ARID1B: variants seen among roughly 807,000 people sequenced by gnomAD.
ARID1B encodes the protein AT-rich interaction domain 1B.
Under a neutral mutation model 212.3 loss-of-function variants are expected in ARID1B, and 30 were observed. The observed-to-expected ratio is 0.14, with a 90% CI of 0.11 to 0.19. The LOEUF is 0.19. ARID1B is among the 10% of genes least tolerant of loss of function. ARID1B has a pLI of 1.00. For synonymous variants in ARID1B, 1,402 were observed against 1,301.7 expected (o/e 1.08, Z -1.66); for missense variants, 2,891 against 3,204.0 (o/e 0.90, Z 2.36).
chr6:156,917,948 C>T (rs1057394587), intron 3 of ARID1B, among the ~76,000 whole-genome samples: 8 of 151,776 alleles, frequency 5.3e-5, no homozygotes, highest in Non-Finnish European at 7.4e-5. Context: ...AAAGAGATGC[C>T]GTGAACTGGA....
chr6:156,966,386 C>CT (rs1214987532), intron 4 of ARID1B, among the ~76,000 whole-genome samples: 3,911 of 38,746 alleles, frequency 0.1, 128 homozygotes, highest in Admixed American at 0.25. Context: ...CTTTTCTTTT[C>CT]TTTTTTTTTT....
At position 156,965,486 on chromosome 6, in the gene ARID1B, T is replaced by C. The variant is rs562494068; in HGVS notation, c.2247+29910T>C. Among the ~76,000 whole-genome samples the C allele has an allele frequency of 2.6e-5, 4 of 152,346 alleles. No homozygotes were observed. In the South Asian group the frequency reaches 8.3e-4, roughly 32 times the overall value. The stretch of plus-strand genomic sequence containing the variant: ...TATTCGATGACTGCTCTGCCTAGTT[T>C]AGTAGGCGTTAACTGAATAAACTAA... On this transcript the variant is annotated intron_variant, in intron 4 of 19. Coordinates refer to ENST00000636930, the MANE Select transcript of ARID1B (RefSeq NM_001374828.1).
At chr6:157,120,448 C>T (rs536971542) in intron 6 of ARID1B, among the ~76,000 whole-genome samples, 36 of 152,256 alleles carry the variant, frequency 2.4e-4, no homozygotes, top group African/African-American at 7.2e-4. Context: ...GCTGGTGTGG[C>T]GCGGGGGGCC....
At chr6:157,011,909 G>A (rs1275533222) in intron 4 of ARID1B, among the ~76,000 whole-genome samples, 2 of 151,976 alleles carry the variant, frequency 1.3e-5, no homozygotes, top group African/African-American at 2.4e-5. Context: ...TGCCTAGACC[G>A]AAGCTATAGA....
chr6:156,945,036 C>CCTCAGCCT (rs1440529955), intron 4 of ARID1B, among the ~76,000 whole-genome samples: 3 of 150,470 alleles, frequency 2.0e-5, no homozygotes, highest in South Asian at 4.2e-4. Context: ...CATTCTCCTG[C>CCTCAGCCT]CTCAGCCTCC....
Position 157,004,890 on chromosome 6 carries a change from C to CTTTTTTGTTTTTTTTTTTTTTTTTTTT in ARID1B, c.2247+69320_2247+69321insGTTTTTTTTTTTTTTTTTTTTTTTTTT, listed in dbSNP as rs1779118895. Among the ~76,000 whole-genome samples, 29 of 35,680 alleles carry CTTTTTTGTTTTTTTTTTTTTTTTTTTT rather than the reference C, an allele frequency of 8.1e-4. 4 individuals carry two copies. Among genetic ancestry groups the CTTTTTTGTTTTTTTTTTTTTTTTTTTT allele is most frequent in the South Asian group, 3.7e-3 (2 of 538 alleles). The allele number at this position is 35,680 out of a possible 152,430, so 23.4% of individuals were successfully genotyped here. A position where few individuals can be genotyped will look rare whatever the true frequency, so the allele number is the denominator to read the frequency against. ...GCATTTCTTTTTTCTTTTTCTTCTT[C>CTTTTTTGTTTTTTTTTTTTTTTTTTTT]TTTTTTCTTTTTTTTTTTTTTTTTT... On this transcript the variant is annotated intron_variant, in intron 4 of 19. Coordinates refer to ENST00000636930, the MANE Select transcript of ARID1B (RefSeq NM_001374828.1).
chr6:157,206,102 C>G lies in ARID1B; in HGVS notation c.5395-65C>G. The stretch of plus-strand genomic sequence containing the variant: ...CGGGTCTCAGGATCTTTACCCTCCT[C>G]GGTCATATCTGATGTCATGACATTG... On this transcript the variant is annotated intron_variant, in intron 19 of 19. Coordinates refer to ENST00000636930, the MANE Select transcript of ARID1B (RefSeq NM_001374828.1). This position sits in a 1 kb window ranked among gnomAD's most constrained non-coding sequence, Gnocchi z 6.8. 1 of 1,508,794 alleles carries G rather than the reference C, an allele frequency of 6.6e-7. No homozygotes were observed. Among genetic ancestry groups the G allele is most frequent in the Non-Finnish European group, 9.1e-7 (1 of 1,104,104 alleles). 93.5% of individuals were successfully genotyped at this position (1,508,794 alleles called of 1,614,324 possible). A position where few individuals can be genotyped will look rare whatever the true frequency, so the allele number is the denominator to read the frequency against.
At chr6:156,817,467 C>T (rs1782047689) in intron 1 of ARID1B, among the ~76,000 whole-genome samples, 1 of 151,882 alleles carries the variant, frequency 6.6e-6, no homozygotes, top group Non-Finnish European at 1.5e-5. Flanking sequence ...AAGACCCCAT[C>T]TCTATAAAAA....
intron 4 of ARID1B, among the ~76,000 whole-genome samples, chr6:156,946,734 G>A (rs929590490): frequency 1.3e-5 from 2 of 152,154 alleles, no homozygotes; most frequent in African/African-American, 4.8e-5. Flanking sequence ...ATGCTTTTGA[G>A]GTTTTTAATC....
intron 4 of ARID1B, among the ~76,000 whole-genome samples, chr6:157,007,469 T>C (rs1261052681): frequency 6.6e-6 from 1 of 152,252 alleles, no homozygotes; most frequent in Non-Finnish European, 1.5e-5. Context: ...ATTAATGTTT[T>C]CTACATATTT....
chr6:156,813,490 C>G (rs1781758709), intron 1 of ARID1B, among the ~76,000 whole-genome samples: 1 of 152,128 alleles, frequency 6.6e-6, no homozygotes, highest in African/African-American at 2.4e-5. Flanking sequence ...CATTTTCACC[C>G]TTGAGAATTA....
chr6:157,014,620 C>T (rs1779800028), intron 4 of ARID1B, among the ~76,000 whole-genome samples: 1 of 151,986 alleles, frequency 6.6e-6, no homozygotes, highest in Non-Finnish European at 1.5e-5. Flanking sequence ...AGCTACTAGG[C>T]TTTATAGATG....
At position 157,208,091 on chromosome 6, in the gene ARID1B, A is replaced by G. The variant is rs188107152; in HGVS notation, c.*200A>G. The stretch of plus-strand genomic sequence containing the variant: ...AAATTAATATTTGCTGTCTGTGTGT[A>G]TAAGTACATCCTTTGGGGTTTTTTT... On this transcript the variant is annotated 3_prime_UTR_variant, in exon 20 of 20. Transcript: ENST00000636930. 3.1e-3 allele frequency: 1,753 copies of G among 557,728 alleles called. 8 individuals carry two copies. Among genetic ancestry groups the G allele is most frequent in the Non-Finnish European group, 3.0e-3 (1,123 of 368,426 alleles). The allele number at this position is 557,728 out of a possible 1,614,324, so 34.5% of individuals were successfully genotyped here.
chr6:156,798,802 G>A (rs1780572725), intron 1 of ARID1B, among the ~76,000 whole-genome samples: 1 of 152,182 alleles, frequency 6.6e-6, no homozygotes, highest in East Asian at 1.9e-4. Flanking sequence ...CCACTTGTGT[G>A]GCGAAAATCT....
intron 2 of ARID1B, among the ~76,000 whole-genome samples, chr6:156,893,121 C>T (rs2128191755): frequency 7.1e-6 from 1 of 139,978 alleles, no homozygotes; most frequent in Middle Eastern, 4.2e-3. Context: ...TGGCTCACTG[C>T]AGCCTCCGCC....
chr6:156,894,306 C>CGGGGGGGTTGGGATGGGGGCT (rs1167132030), intron 2 of ARID1B, among the ~76,000 whole-genome samples: 3 of 23,636 alleles, frequency 1.3e-4, no homozygotes, highest in Non-Finnish European at 2.8e-4. Flanking sequence ...GGATGGGGGC[C>CGGGGGGGTTGGGATGGGGGCT]GGGGGTTGGG....
chr6:157,017,820 T>G (rs1779992892), intron 4 of ARID1B, among the ~76,000 whole-genome samples: 1 of 152,044 alleles, frequency 6.6e-6, no homozygotes, highest in Admixed American at 6.6e-5. Flanking sequence ...GTCTAGAGCC[T>G]AAACATCTCT....
intron 2 of ARID1B, among the ~76,000 whole-genome samples, chr6:156,881,717 A>C (rs542711161): frequency 6.6e-6 from 1 of 152,170 alleles, no homozygotes; most frequent in African/African-American, 2.4e-5. Context: ...CAAATGGTAG[A>C]TATTCCTTAA....
chr6:157,030,592 A>G (rs917725031), intron 4 of ARID1B, among the ~76,000 whole-genome samples: 1 of 152,230 alleles, frequency 6.6e-6, no homozygotes, highest in African/African-American at 2.4e-5. Context: ...GTTAGAGAAC[A>G]TAATTGGAAA....
Sources: allele counts gnomAD v4.1 joint callset (sites outside exome capture counted in the v4.1 genomes callset), GRCh38; gene constraint gnomAD v4.1.1; non-coding constraint Gnocchi (gnomAD v3.1); transcripts MANE v1.5; gene names NCBI Gene and HGNC (gene_info 2026-07-23, HGNC 2026-07-21).